MAF: variants seen among roughly 807,000 people sequenced by gnomAD.
MAF encodes the protein MAF bZIP transcription factor, also known as transcription factor Maf.
In MAF, 10 loss-of-function variants were observed where a neutral mutation model predicts 22.0. The observed-to-expected ratio is 0.45, with a 90% CI of 0.28 to 0.77. MAF has a LOEUF of 0.77. Among genes scored for constraint, MAF ranks in the 30% least tolerant of loss-of-function variants. The probability of loss-of-function intolerance (pLI) is 0.12; values close to 1 mark genes in which losing one functional copy is unlikely to be tolerated. For missense variants in MAF, 544 were observed against 548.4 expected (o/e 0.99, Z 0.08); for synonymous variants, 337 against 255.8 (o/e 1.32, Z -3.03).
At chr16:79,502,446 G>T in the MAF span, among the ~76,000 whole-genome samples, 1 of 151,994 alleles carries the variant, frequency 6.6e-6, no homozygotes, top group African/African-American at 2.4e-5. Context: ...TGGGTGGGTG[G>T]CTTGAGGTCA....
chr16:79,226,012 A>C, the MAF span, among the ~76,000 whole-genome samples: 1 of 152,236 alleles, frequency 6.6e-6, no homozygotes, highest in Non-Finnish European at 1.5e-5. Context: ...CATTTGACCC[A>C]GCAATCCCAT....
At chr16:79,321,953 C>A in the MAF span, among the ~76,000 whole-genome samples, 1 of 152,048 alleles carries the variant, frequency 6.6e-6, no homozygotes, top group Non-Finnish European at 1.5e-5. Flanking sequence ...GTCTTTGGAC[C>A]TGGCACGGTG....
chr16:79,395,712 C>T, the MAF span, among the ~76,000 whole-genome samples: 1 of 152,188 alleles, frequency 6.6e-6, no homozygotes, highest in Admixed American at 6.5e-5. Flanking sequence ...ACTCAGCCAA[C>T]ACAACTTGAT....
the MAF span, among the ~76,000 whole-genome samples, chr16:79,241,342 A>C: frequency 6.6e-6 from 1 of 152,140 alleles, no homozygotes; most frequent in Non-Finnish European, 1.5e-5. Context: ...TTAAAGAAGA[A>C]CATAAATGAC....
the MAF span, among the ~76,000 whole-genome samples, chr16:79,563,441 C>G: frequency 1.3e-5 from 2 of 151,434 alleles, no homozygotes; most frequent in South Asian, 4.2e-4. Flanking sequence ...CTCCATTTCA[C>G]TTTAACCTTA....
At chr16:79,219,605 T>G in the MAF span, among the ~76,000 whole-genome samples, 6 of 146,306 alleles carry the variant, frequency 4.1e-5, no homozygotes, top group Admixed American at 3.4e-4. Context: ...TGAATGTTAC[T>G]GTCCCCTTTT....
At chr16:79,521,048 A>G in the MAF span, among the ~76,000 whole-genome samples, 2 of 152,198 alleles carry the variant, frequency 1.3e-5, no homozygotes, top group African/African-American at 4.8e-5. Flanking sequence ...TTCTTTTCCT[A>G]ACCACTGTAT....
the MAF span, among the ~76,000 whole-genome samples, chr16:79,391,422 T>G: frequency 1.6e-4 from 24 of 152,276 alleles, no homozygotes; most frequent in South Asian, 4.4e-3. Context: ...GGGAAGCAAT[T>G]GACTCCACGA....
the MAF span, among the ~76,000 whole-genome samples, chr16:79,388,881 A>G: frequency 7.9e-5 from 12 of 152,186 alleles, no homozygotes; most frequent in Non-Finnish European, 1.3e-4. Flanking sequence ...AAGTAATCCT[A>G]AAGCCAGAAC....
chr16:79,313,175 T>C, the MAF span, among the ~76,000 whole-genome samples: 1 of 152,140 alleles, frequency 6.6e-6, no homozygotes, highest in Non-Finnish European at 1.5e-5. Flanking sequence ...ATCAGGCCAG[T>C]GCCTGGCACA....
the MAF span, among the ~76,000 whole-genome samples, chr16:79,315,745 G>C: frequency 2.6e-4 from 39 of 152,328 alleles, no homozygotes; most frequent in African/African-American, 9.4e-4. Flanking sequence ...GAAGTAAAAA[G>C]TTATTGAGAG....
At chr16:79,579,404 G>A in the MAF span, among the ~76,000 whole-genome samples, 314 of 152,140 alleles carry the variant, frequency 2.1e-3, 1 homozygote, top group African/African-American at 7.4e-3. Flanking sequence ...ATATATATGT[G>A]CTGACATTGC....
At chr16:79,212,059 C>G in the MAF span, 916,903 of 1,535,842 alleles carry the variant, frequency 0.6, 281,472 homozygotes, top group Non-Finnish European at 0.64. Flanking sequence ...TAAAAACCTG[C>G]TTGGTGTGTA....
chr16:79,238,445 T>C, the MAF span, among the ~76,000 whole-genome samples: 1 of 152,100 alleles, frequency 6.6e-6, no homozygotes, highest in Admixed American at 6.6e-5. Context: ...TTTAGGAGTC[T>C]ATGACCACAC....
the MAF span, among the ~76,000 whole-genome samples, chr16:79,574,180 T>C: frequency 6.6e-6 from 1 of 152,202 alleles, no homozygotes; most frequent in African/African-American, 2.4e-5. Context: ...GCAGGCCCAC[T>C]TTTGTGTGGT....
chr16:79,393,348 T>C, the MAF span, among the ~76,000 whole-genome samples: 1 of 152,182 alleles, frequency 6.6e-6, no homozygotes, highest in South Asian at 2.1e-4. Flanking sequence ...GGTTGGCGAA[T>C]AGCCAGGGCT....
At chr16:79,211,524 G>C in the MAF span, 2 of 1,581,706 alleles carry the variant, frequency 1.3e-6, no homozygotes, top group Middle Eastern at 2.1e-4. Flanking sequence ...GGGGAGGCCT[G>C]CTAATGCCCA....
the MAF span, among the ~76,000 whole-genome samples, chr16:79,579,175 G>C: frequency 6.6e-6 from 1 of 152,180 alleles, no homozygotes; most frequent in Non-Finnish European, 1.5e-5. Flanking sequence ...CTGACTCTTT[G>C]ATGCAAAAAT....
At chr16:79,460,231 G>A in the MAF span, among the ~76,000 whole-genome samples, 5 of 151,970 alleles carry the variant, frequency 3.3e-5, no homozygotes, top group South Asian at 6.2e-4. Context: ...TGACCGTATC[G>A]ATCTATTTCT....
Sources: gnomAD v4.1 joint callset for allele counts (sites outside exome capture counted in the v4.1 genomes callset) on GRCh38, gnomAD v4.1.1 for gene constraint, MANE v1.5 for transcripts, NCBI Gene and HGNC (gene_info 2026-07-23, HGNC 2026-07-21) for gene names.